The following DLG2 variants were observed in gnomAD, a reference collection of about 807,000 sequenced individuals.
The protein encoded by DLG2 is disks large homolog 2.
Under a neutral mutation model 132.5 loss-of-function variants are expected in DLG2, and 45 were observed. The observed-to-expected ratio is 0.34, with a 90% CI of 0.27 to 0.44. DLG2 has a LOEUF of 0.44. DLG2 is among the 20% of genes least tolerant of loss of function. DLG2 has a pLI of 1.00. For missense variants in DLG2, 1,045 were observed against 1,196.9 expected, an observed-to-expected ratio of 0.87 and a Z score of 1.87; for synonymous variants, 424 against 419.6, an observed-to-expected ratio of 1.01 and a Z score of -0.13.
chr11:85,051,819 T>C (rs767606293), intron 6 of DLG2, among the ~76,000 whole-genome samples: 8 of 152,130 alleles, frequency 5.3e-5, no homozygotes, highest in Non-Finnish European at 8.8e-5. Context: ...TAAATTAAAT[T>C]GCATGCAAAA....
intron 6 of DLG2, among the ~76,000 whole-genome samples, chr11:84,670,975 C>A (rs764577023): frequency 1.3e-5 from 2 of 152,170 alleles, no homozygotes; most frequent in African/African-American, 4.8e-5. Flanking sequence ...AAATTTACAA[C>A]CTCTTGCAGC....
chr11:84,888,970 T>A (rs893944314), intron 6 of DLG2, among the ~76,000 whole-genome samples: 1 of 152,142 alleles, frequency 6.6e-6, no homozygotes, highest in Non-Finnish European at 1.5e-5. Context: ...ATTGACACAA[T>A]TGAATATTAA....
intron 6 of DLG2, among the ~76,000 whole-genome samples, chr11:84,789,058 A>G (rs562046269): frequency 8.5e-5 from 13 of 152,342 alleles, no homozygotes; most frequent in African/African-American, 3.1e-4. Flanking sequence ...AAAGAGAGAC[A>G]TGCAAAAGAA....
At chr11:83,870,979 A>G (rs947866585) in intron 16 of DLG2, among the ~76,000 whole-genome samples, 1 of 152,210 alleles carries the variant, frequency 6.6e-6, no homozygotes, top group Non-Finnish European at 1.5e-5. Context: ...CCCTGTTTCC[A>G]TAGGTGATCA....
chr11:83,876,255 A>G (rs116430717), intron 15 of DLG2, among the ~76,000 whole-genome samples: 341 of 152,270 alleles, frequency 2.2e-3, no homozygotes, highest in African/African-American at 7.9e-3. Context: ...AAAGCTATAT[A>G]AGCATTTGTT....
intron 3 of DLG2, among the ~76,000 whole-genome samples, chr11:85,397,246 C>T (rs1445101947): frequency 6.6e-6 from 1 of 152,116 alleles, no homozygotes; most frequent in Non-Finnish European, 1.5e-5. Flanking sequence ...TTTGTCACCA[C>T]CAGGCATGCC....
intron 21 of DLG2, among the ~76,000 whole-genome samples, chr11:83,522,762 A>G (rs1215105992): frequency 6.6e-6 from 1 of 151,552 alleles, no homozygotes; most frequent in Non-Finnish European, 1.5e-5. Context: ...GCTCCAGGTC[A>G]TGTAGTCAGA....
intron 6 of DLG2, among the ~76,000 whole-genome samples, chr11:85,022,078 G>A (rs1387923732): frequency 6.6e-6 from 1 of 151,876 alleles, no homozygotes; most frequent in Non-Finnish European, 1.5e-5. Flanking sequence ...TAAACACTTA[G>A]TCATAAAATA....
intron 7 of DLG2, among the ~76,000 whole-genome samples, chr11:84,400,864 A>C (rs1057216900): frequency 6.6e-6 from 1 of 152,110 alleles, no homozygotes; most frequent in Admixed American, 6.5e-5. Context: ...AGACTATAGA[A>C]TTCTCATTCT....
At chr11:85,003,462 G>A (rs1420296646) in intron 6 of DLG2, among the ~76,000 whole-genome samples, 2 of 152,102 alleles carry the variant, frequency 1.3e-5, no homozygotes, top group African/African-American at 2.4e-5. Context: ...TTATATGTAA[G>A]TTGTAAATCT....
At chr11:84,922,415 A>C (rs2092795814) in intron 6 of DLG2, among the ~76,000 whole-genome samples, 1 of 152,210 alleles carries the variant, frequency 6.6e-6, no homozygotes, top group Admixed American at 6.5e-5. Flanking sequence ...CCTGTTCGTG[A>C]CAAGGGGTAA....
chr11:84,151,547 T>C (rs1021798912), intron 9 of DLG2, among the ~76,000 whole-genome samples: 1 of 152,196 alleles, frequency 6.6e-6, no homozygotes, highest in African/African-American at 2.4e-5. Flanking sequence ...CTTGATTTTA[T>C]TCACTTCTGC....
chr11:85,313,225 T>A (rs1033390091), intron 3 of DLG2, among the ~76,000 whole-genome samples: 4 of 151,972 alleles, frequency 2.6e-5, no homozygotes, highest in African/African-American at 9.7e-5. Context: ...ATGGAAATGA[T>A]CCAAAGAGTG....
chr11:84,088,509 G>C (rs1298904171), intron 10 of DLG2, among the ~76,000 whole-genome samples: 1 of 152,178 alleles, frequency 6.6e-6, no homozygotes, highest in Non-Finnish European at 1.5e-5. Flanking sequence ...AGCTGCGAAA[G>C]ACTACTTGTG....
At chr11:83,652,889 T>C (rs1346878059) in intron 18 of DLG2, among the ~76,000 whole-genome samples, 1 of 152,204 alleles carries the variant, frequency 6.6e-6, no homozygotes, top group African/African-American at 2.4e-5. Flanking sequence ...AGTTGTACAT[T>C]ACTAGCTCAC....
chr11:84,156,159 T>A (rs2095424529), intron 9 of DLG2, among the ~76,000 whole-genome samples: 1 of 152,126 alleles, frequency 6.6e-6, no homozygotes, highest in African/African-American at 2.4e-5. Flanking sequence ...TAGAGTATAA[T>A]TCCACAAATT....
intron 6 of DLG2, among the ~76,000 whole-genome samples, chr11:84,983,834 T>G (rs1359788308): frequency 6.6e-6 from 1 of 152,048 alleles, no homozygotes; most frequent in Non-Finnish European, 1.5e-5. Context: ...ATGGATGCAT[T>G]TATAGAAATG....
chr11:85,152,259 G>C, intron 5 of DLG2, among the ~76,000 whole-genome samples: 1 of 121,416 alleles, frequency 8.2e-6, no homozygotes, highest in Non-Finnish European at 1.7e-5. Context: ...TTTTTTTTTT[G>C]AGATGGAGTC....
intron 14 of DLG2, among the ~76,000 whole-genome samples, chr11:83,932,580 T>C (rs2154131967): frequency 6.6e-6 from 1 of 152,288 alleles, no homozygotes. Flanking sequence ...ATATATTCTA[T>C]CATATAGTAT....
Sources: allele counts gnomAD v4.1 joint callset (sites outside exome capture counted in the v4.1 genomes callset), GRCh38; gene constraint gnomAD v4.1.1; transcripts MANE v1.5; gene names NCBI Gene and HGNC (gene_info 2026-07-23, HGNC 2026-07-21).